The following CCDC146 variants were observed in gnomAD, a reference collection of about 807,000 sequenced individuals.
CCDC146 encodes coiled-coil domain containing 146, also known as coiled-coil domain-containing protein 146.
In CCDC146, 92 loss-of-function variants were observed where a neutral mutation model predicts 119.3. The observed-to-expected ratio is 0.77, with a 90% CI of 0.65 to 0.92. The LOEUF is 0.92. Among genes scored for constraint, CCDC146 ranks in the 40% least tolerant of loss-of-function variants. The pLI, the probability that CCDC146 is intolerant of heterozygous loss-of-function variation, is 0.00. For missense variants in CCDC146, 1,000 were observed against 1,103.0 expected (o/e 0.91, Z 1.32); for synonymous variants, 372 against 371.8 (o/e 1.00, Z -0.01).
intron 2 of CCDC146, among the ~76,000 whole-genome samples, chr7:77,214,789 G>A (rs982636560): frequency 2.6e-5 from 4 of 151,954 alleles, no homozygotes; most frequent in Non-Finnish European, 4.4e-5. Flanking sequence ...CCATCGATCT[G>A]TGTGTCTATT....
intron 17 of CCDC146, among the ~76,000 whole-genome samples, chr7:77,291,541 C>CA: frequency 6.6e-6 from 1 of 152,178 alleles, no homozygotes; most frequent in African/African-American, 2.4e-5. Flanking sequence ...TCCATCTCTA[C>CA]AAAAAATACA....
At chr7:77,292,616 CAAAAAAA>C (rs61250624) in intron 17 of CCDC146, among the ~76,000 whole-genome samples, 1 of 90,018 alleles carries the variant, frequency 1.1e-5, no homozygotes. Context: ...GACTCAGTCT[CAAAAAAA>C]AAAAAAAAAA....
rs143574736 is a variant in CCDC146, at chr7:77,283,865, A to C, written c.2148+1080A>C. Among the ~76,000 whole-genome samples the C allele has an allele frequency of 4.8e-3, 726 of 152,248 alleles. 1 individual carries two copies. Among genetic ancestry groups the C allele is most frequent in the African/African-American group, 0.016 (684 of 41,526 alleles). ...ATAATAGCCTCTTTCAGTTTGCACA[A>C]ATATGCCAATGTTCTGATTCCAAGT... On this transcript the variant is annotated intron_variant, in intron 15 of 18. Coordinates refer to ENST00000285871, the MANE Select transcript of CCDC146 (RefSeq NM_020879.3).
chr7:77,239,455 C>A (rs1034057647), intron 3 of CCDC146, among the ~76,000 whole-genome samples: 1 of 152,210 alleles, frequency 6.6e-6, no homozygotes, highest in Non-Finnish European at 1.5e-5. Context: ...TTGCTAGATG[C>A]TATTGAGCAA....
At chr7:77,226,982 A>C (rs1792527075) in intron 2 of CCDC146, among the ~76,000 whole-genome samples, 1 of 152,232 alleles carries the variant, frequency 6.6e-6, no homozygotes, top group South Asian at 2.1e-4. Flanking sequence ...TGTTTAAGGC[A>C]GCTAAAATCT....
chr7:77,218,615 CTTT>C (rs569678543), intron 2 of CCDC146, among the ~76,000 whole-genome samples: 2 of 142,512 alleles, frequency 1.4e-5, no homozygotes, highest in Non-Finnish European at 1.5e-5. Flanking sequence ...TACCAATTCT[CTTT>C]TTTTTTTTTT....
At chr7:77,167,349 C>G (rs1309037610) in intron 1 of CCDC146, among the ~76,000 whole-genome samples, 1 of 152,072 alleles carries the variant, frequency 6.6e-6, no homozygotes, top group Non-Finnish European at 1.5e-5. Flanking sequence ...TAGGCTGATA[C>G]TGACTTGCAT....
At chr7:77,136,192 A>G (rs554345623) in intron 1 of CCDC146, among the ~76,000 whole-genome samples, 1 of 152,342 alleles carries the variant, frequency 6.6e-6, no homozygotes, top group South Asian at 2.1e-4. Context: ...AGAAAAGAAG[A>G]AAGATCTAGA....
At chr7:77,173,303 C>G (rs1390200034) in intron 2 of CCDC146, among the ~76,000 whole-genome samples, 2 of 152,144 alleles carry the variant, frequency 1.3e-5, no homozygotes, top group African/African-American at 4.8e-5. Context: ...AGGAACTACA[C>G]TGTTAATTCA....
chr7:77,167,574 G>T, intron 1 of CCDC146, 84 bp from the exon 2 acceptor site: 1 of 1,053,282 alleles, frequency 9.5e-7, no homozygotes, highest in Non-Finnish European at 1.3e-6. Flanking sequence ...CCAGTTTTTT[G>T]TTTATTTTTA....
intron 15 of CCDC146, among the ~76,000 whole-genome samples, chr7:77,285,206 A>C (rs1793827860): frequency 6.6e-6 from 1 of 152,186 alleles, no homozygotes; most frequent in African/African-American, 2.4e-5. Context: ...CAGAGTAAAC[A>C]GTTTTTCCTC....
chr7:77,220,450 G>A (rs542807377), intron 2 of CCDC146, among the ~76,000 whole-genome samples: 25 of 152,212 alleles, frequency 1.6e-4, no homozygotes, highest in South Asian at 4.1e-4. Context: ...GTCCTGAGGT[G>A]ACATACATCC....
intron 9 of CCDC146, among the ~76,000 whole-genome samples, chr7:77,269,756 C>A (rs557098813): frequency 5.3e-5 from 8 of 152,252 alleles, no homozygotes; most frequent in African/African-American, 1.9e-4. Flanking sequence ...TATTAGAATC[C>A]TTTTCCTTTG....
At chr7:77,293,774 G>A (rs940444448) in intron 18 of CCDC146, among the ~76,000 whole-genome samples, 1 of 152,190 alleles carries the variant, frequency 6.6e-6, no homozygotes, top group African/African-American at 2.4e-5. Flanking sequence ...CCCATGACCT[G>A]TCAGTATTCT....
chr7:77,124,544 C>T (rs1790667329), intron 1 of CCDC146, among the ~76,000 whole-genome samples: 1 of 152,184 alleles, frequency 6.6e-6, no homozygotes, highest in Non-Finnish European at 1.5e-5. Flanking sequence ...GAAGGTCTGG[C>T]CCTTTTATCA....
chr7:77,153,852 T>G (rs571322382), intron 1 of CCDC146, among the ~76,000 whole-genome samples: 1 of 152,012 alleles, frequency 6.6e-6, no homozygotes, highest in Admixed American at 6.6e-5. Flanking sequence ...AAAATGTGTA[T>G]GAGAATATTT....
chr7:77,126,688 G>A (rs1790693410), intron 1 of CCDC146, among the ~76,000 whole-genome samples: 3 of 152,100 alleles, frequency 2.0e-5, no homozygotes, highest in Admixed American at 2.0e-4. Context: ...CCTTTCTGCA[G>A]CTGGTCCTTG....
intron 17 of CCDC146, among the ~76,000 whole-genome samples, chr7:77,290,039 A>G (rs1793916577): frequency 6.6e-6 from 1 of 150,738 alleles, no homozygotes; most frequent in African/African-American, 2.5e-5. Flanking sequence ...TGGTACATAT[A>G]CACCATGGAA....
intron 2 of CCDC146, among the ~76,000 whole-genome samples, chr7:77,212,949 A>ATTT (rs1562834935): frequency 4.9e-5 from 6 of 122,846 alleles, no homozygotes; most frequent in African/African-American, 2.1e-4. Context: ...AGGTCACATT[A>ATTT]ATTTTTTTTT....
Sources: allele counts gnomAD v4.1 joint callset (sites outside exome capture counted in the v4.1 genomes callset), GRCh38; gene constraint gnomAD v4.1.1; transcripts MANE v1.5; gene names NCBI Gene and HGNC (gene_info 2026-07-23, HGNC 2026-07-21).